POLG: variants seen among roughly 807,000 people sequenced by gnomAD.
POLG encodes DNA polymerase gamma, catalytic subunit.
Under a neutral mutation model 155.4 loss-of-function variants are expected in POLG, and 110 were observed. The observed-to-expected ratio is 0.71, with a 90% confidence interval of 0.61 to 0.83. The LOEUF (loss-of-function observed/expected upper bound fraction) is 0.83. Among genes scored for constraint, POLG ranks in the 40% least tolerant of loss-of-function variants. The pLI, the probability that POLG is intolerant of heterozygous loss-of-function variation, is 0.00. For missense variants in POLG, 1,685 were observed against 1,627.5 expected (o/e 1.04, Z -0.61); for synonymous variants, 701 against 631.5 (o/e 1.11, Z -1.65).
chr15:89,318,394 T>C, intron 21 of POLG, 147 bp downstream of exon 21: 1 of 668,766 alleles, frequency 1.5e-6, no homozygotes, highest in East Asian at 2.7e-5. Flanking sequence ...CTACAACTTT[T>C]TAAAAATTAG....
chr15:89,320,197 G>C (rs1273133719), intron 18 of POLG, among the ~76,000 whole-genome samples: 1 of 152,256 alleles, frequency 6.6e-6, no homozygotes, highest in Non-Finnish European at 1.5e-5. Context: ...AATGTGGACA[G>C]TGTACTGTAC....
rs2055648636 is a variant in POLG at position 89,334,675 on chromosome 15, C to T, written c.-162G>A. ...CCGCCGCCGACCCCGCCGGAAACCT[C>T]GGTCCTCACGGTGCTTCCCGGTCTG... On this transcript the variant is annotated splice_region_variant and 5_prime_UTR_variant, in exon 1 of 23. Transcript: ENST00000268124. 6.6e-6 allele frequency: 1 copy of T among 152,486 alleles called. No individual in the cohort carries two copies. The highest frequency in any genetic ancestry group is 2.4e-5 in the African/African-American group (1 of 41,478). 9.4% of individuals were successfully genotyped at this position (152,486 alleles called of 1,614,324 possible).
chr15:89,327,738 A>T (rs1198691720), intron 6 of POLG, among the ~76,000 whole-genome samples: 2 of 152,112 alleles, frequency 1.3e-5, no homozygotes, highest in African/African-American at 2.4e-5. Context: ...TTTAAACAAC[A>T]CATGTCTGGA....
chr15:89,322,699 G>A (rs1334333410), intron 14 of POLG, 43 bp downstream of exon 14: 4 of 1,601,634 alleles, frequency 2.5e-6, no homozygotes, highest in African/African-American at 2.7e-5. Flanking sequence ...TGGGTGGGAA[G>A]AGAGGGGAAA....
Position 89,318,461 on chromosome 15 carries a change from C to G in POLG, c.3482+80G>C. 2.6e-6 allele frequency: 3 copies of G among 1,148,884 alleles called. No homozygotes were observed. The East Asian group carries it at 7.1e-5, about 27-fold the overall frequency. 71.2% of individuals were successfully genotyped at this position (1,148,884 alleles called of 1,614,324 possible). ...TAGGGGGATGAAAAGTCAAAACTGACCAGTCTGGCCCAAGGAACGCTCACC... is the reference window on the plus strand; with the variant it reads ...TAGGGGGATGAAAAGTCAAAACTGAGCAGTCTGGCCCAAGGAACGCTCACC... On this transcript the variant is annotated intron_variant, in intron 21 of 22. Transcript: ENST00000268124.
chr15:89,325,331 T>C (rs2055500046), intron 10 of POLG, 119 bp downstream of exon 10: 13 of 710,964 alleles, frequency 1.8e-5, no homozygotes, highest in Non-Finnish European at 1.7e-5. Context: ...TTTTTCCTGT[T>C]TTCCCTTCTT....
chr15:89,325,274 G>A (rs2055496039), intron 10 of POLG, among the ~76,000 whole-genome samples, 176 bp downstream of exon 10: 6 of 108,218 alleles, frequency 5.5e-5, no homozygotes, highest in East Asian at 2.4e-4. Flanking sequence ...GAGTGAGTGA[G>A]AGAGAGAGAA....
chr15:89,323,032 G>GTATC (rs1216315930), intron 13 of POLG, 130 bp from the exon 14 acceptor site: 2 of 932,284 alleles, frequency 2.1e-6, no homozygotes, highest in Non-Finnish European at 3.3e-6. Context: ...ATCCCTGATT[G>GTATC]TATCACGCAC....
chr15:89,326,160 C>T (rs1486910889), intron 9 of POLG, among the ~76,000 whole-genome samples: 3 of 152,176 alleles, frequency 2.0e-5, no homozygotes, highest in Admixed American at 6.5e-5. Flanking sequence ...TGGCACCCTG[C>T]TGCTCACCCT....
intron 11 of POLG, 100 bp from the exon 12 acceptor site, chr15:89,324,001 TG>T: frequency 6.4e-7 from 1 of 1,567,490 alleles, no homozygotes; most frequent in Non-Finnish European, 8.8e-7. Context: ...CAGGCCAGTC[TG>T]GGGTGAGCCA....
Position 89,328,500 on chromosome 15 carries a change from G to A in POLG, c.1206C>T (p.Ala402=). 6.2e-7 allele frequency: 1 copy of A among 1,613,874 alleles called. No homozygotes were observed. Among genetic ancestry groups the A allele is most frequent in the Non-Finnish European group, 8.5e-7 (1 of 1,179,998 alleles). ...GCTGCTGCTGGAAAACCTCATGGGT[G>A]GCCCACACGTCCTGGGCACAGTACT... The part of the protein sequence containing the change: ...LMQYCAQDVW[A]THEVFQQQLP... The change falls in exon 6 of 23, where the codon GCC becomes GCT. Residue 402 remains alanine (A), a synonymous_variant. Transcript: ENST00000268124.
rs1475899324 is a variant in POLG at position 89,325,171 on chromosome 15, A to AGAGT, written c.1949+275_1949+278dup. On this transcript the variant is annotated intron_variant, in intron 10 of 22. Transcript: ENST00000268124. ...GTGAGTGAGTGAGTGAGTGAGTGAG[A>AGAGT]GAGTGAGAGAGTGAGTGAGTGAGAG... 1.4e-4 allele frequency among the ~76,000 whole-genome samples: 8 copies of AGAGT among 58,610 alleles called. 2 individuals are homozygous for AGAGT. Among genetic ancestry groups the AGAGT allele is most frequent in the Admixed American group, 1.4e-4 (1 of 7,164 alleles). 38.5% of individuals were successfully genotyped at this position (58,610 alleles called of 152,430 possible).
chr15:89,332,599 C>T (rs1369432304), intron 2 of POLG, among the ~76,000 whole-genome samples: 2 of 810 alleles, frequency 2.5e-3, no homozygotes, highest in Non-Finnish European at 3.7e-3. Context: ...ACGTTGCCGG[C>T]GGGGGCAGGG....
Position 89,320,753 on chromosome 15 carries a change from G to A in POLG, c.2981+13C>T, listed in dbSNP as rs748421502. Reference sequence around the variant, plus strand: ...GTCCTGGGTGTTAAAGTGGATGGGAGAGGGACCCTCACCAGCGGAGGCCCT... The same window carrying A: ...GTCCTGGGTGTTAAAGTGGATGGGAAAGGGACCCTCACCAGCGGAGGCCCT... On this transcript the variant is annotated intron_variant, in intron 18 of 22. Coordinates refer to ENST00000268124, the MANE Select transcript of POLG (RefSeq NM_002693.3). 19 of 1,612,090 alleles carry A rather than the reference G, an allele frequency of 1.2e-5. No homozygotes were observed. The highest frequency in any genetic ancestry group is 1.5e-5 in the Non-Finnish European group (18 of 1,179,992).
intron 18 of POLG, 96 bp downstream of exon 18, chr15:89,320,670 G>C: frequency 7.1e-7 from 1 of 1,405,834 alleles, no homozygotes; most frequent in Non-Finnish European, 9.9e-7. Flanking sequence ...GAGAGTTCAA[G>C]TAATGGGCAG....
Position 89,320,760 on chromosome 15 carries a change from C to G in POLG, c.2981+6G>C. 3 of 1,612,490 alleles carry G rather than the reference C, an allele frequency of 1.9e-6. No individual in the cohort carries two copies. The highest frequency in any genetic ancestry group is 2.5e-6 in the Non-Finnish European group (3 of 1,180,002). ...GTGTTAAAGTGGATGGGAGAGGGAC[C>G]CTCACCAGCGGAGGCCCTTGGTGGC... On this transcript the variant is annotated splice_donor_region_variant and intron_variant, in intron 18 of 22. Transcript: ENST00000268124.
chr15:89,333,627 T>TGCTGCTGCC lies in POLG; in HGVS notation c.127_128insGGCAGCAGC (p.Arg42_Gln43insArgGlnGln), dbSNP rs776122200. On this transcript the variant is annotated inframe_insertion, in exon 2 of 23. Transcript: ENST00000268124. ...CTGCTGCTGCTGCTGCTGCTGCTGC[T>TGCTGCTGCC]GCCGCCGCCGCTGCCCGTCGCTGGG... The TGCTGCTGCC allele has an allele frequency of 1.3e-6, 2 of 1,581,460 alleles. No individual in the cohort carries two copies. Among genetic ancestry groups the TGCTGCTGCC allele is most frequent in the African/African-American group, 2.7e-5 (2 of 74,182 alleles).
chr15:89,329,112 T>TGAG lies in POLG; in HGVS notation c.856-5_856-3dup, dbSNP rs200056162. 1.4e-5 allele frequency: 23 copies of TGAG among 1,610,370 alleles called. 1 individual carries two copies. Among genetic ancestry groups the TGAG allele is most frequent in the Admixed American group, 1.0e-4 (6 of 59,902 alleles). On this transcript the variant is annotated splice_polypyrimidine_tract_variant and splice_region_variant and intron_variant, in intron 3 of 22. Transcript: ENST00000268124. ...GTCCAGGAAACGCATGCGGGAACCC[T>TGAG]GAGGAGGAGGAGGAGAAAAGGGAAG...
At position 89,323,525 on chromosome 15, in the gene POLG, A is replaced by G. The variant is rs751353796; in HGVS notation, c.2158-14T>C. 5.9e-6 allele frequency: 9 copies of G among 1,534,638 alleles called. No individual in the cohort carries two copies. In the South Asian group the frequency reaches 1.0e-4, roughly 17 times the overall value. On this transcript the variant is annotated splice_polypyrimidine_tract_variant and intron_variant, in intron 12 of 22. Transcript: ENST00000268124. ...ACCACGGGCAGTCTGTGAGGGCCAC[A>G]CACCTATATCAGGCCCTGCTCCAGC...
Sources: allele counts gnomAD v4.1 joint callset (sites outside exome capture counted in the v4.1 genomes callset), GRCh38; gene constraint gnomAD v4.1.1; transcripts MANE v1.5; gene names NCBI Gene and HGNC (gene_info 2026-07-23, HGNC 2026-07-21).